Variants in PDCD7 observed in about 807,000 individuals in gnomAD.
The protein encoded by PDCD7 is programmed cell death protein 7.
A neutral mutation model predicts 42.1 loss-of-function variants in PDCD7; 40 were observed. The observed-to-expected ratio is 0.95, with a 90% CI of 0.74 to 1.24. The LOEUF (loss-of-function observed/expected upper bound fraction) is 1.24, where lower values mean the gene tolerates loss of function less well. Ranked by LOEUF, PDCD7 falls within the 50% of genes most tolerant of loss-of-function variation. PDCD7 has a pLI of 0.00. For synonymous variants in PDCD7, 299 were observed against 303.3 expected, an observed-to-expected ratio of 0.99 and a Z score of 0.15; for missense variants, 644 against 662.8, an observed-to-expected ratio of 0.97 and a Z score of 0.31.
Position 65,118,859 on chromosome 15 carries a change from GAAC to G in PDCD7, c.1335-22_1335-20del. 6.6e-7 allele frequency: 1 copy of G among 1,525,180 alleles called. No individual in the cohort carries two copies. Among genetic ancestry groups the G allele is most frequent in the East Asian group, 2.4e-5 (1 of 41,260 alleles). 94.5% of individuals were successfully genotyped at this position (1,525,180 alleles called of 1,614,324 possible). A position where few individuals can be genotyped will look rare whatever the true frequency, so the allele number is the denominator to read the frequency against. On this transcript the variant is annotated intron_variant, in intron 4 of 4. Coordinates refer to ENST00000204549, the MANE Select transcript of PDCD7 (RefSeq NM_005707.2). ...ATCATGCCTTAATAAGAACATTATA[GAAC>G]AACTATTTATTTCTGTTTTATTCCA...
intron 2 of PDCD7, among the ~76,000 whole-genome samples, chr15:65,123,229 C>G (rs753763017): frequency 6.6e-6 from 1 of 152,196 alleles, no homozygotes; most frequent in Non-Finnish European, 1.5e-5. Context: ...CGCTCTGTCA[C>G]CAGGCTGGAG....
chr15:65,132,121 T>C (rs1263404777), intron 1 of PDCD7, among the ~76,000 whole-genome samples: 1 of 53,880 alleles, frequency 1.9e-5, no homozygotes, highest in East Asian at 1.2e-3. Flanking sequence ...TATGTATGTA[T>C]GTGTATATAT....
In PDCD7 at chr15:65,133,805, A is replaced by G; in HGVS notation, c.-24T>C. 7.3e-7 allele frequency: 1 copy of G among 1,362,268 alleles called. No homozygotes were observed. Among genetic ancestry groups the G allele is most frequent in the South Asian group, 2.0e-5 (1 of 51,100 alleles). 84.4% of individuals were successfully genotyped at this position (1,362,268 alleles called of 1,614,324 possible). A position where few individuals can be genotyped will look rare whatever the true frequency, so the allele number is the denominator to read the frequency against. On this transcript the variant is annotated 5_prime_UTR_variant, in exon 1 of 5. Coordinates refer to ENST00000204549, the MANE Select transcript of PDCD7 (RefSeq NM_005707.2). The stretch of plus-strand genomic sequence containing the variant: ...ATGTTCACGACGGAGATGCTTTGAG[A>G]AGTGACAGGAATCTGAGTGGCTCCT...
intron 1 of PDCD7, among the ~76,000 whole-genome samples, 196 bp from the exon 2 acceptor site, chr15:65,129,366 C>A (rs1375728272): frequency 6.6e-6 from 1 of 152,214 alleles, no homozygotes; most frequent in South Asian, 2.1e-4. Context: ...ACTGATGGTA[C>A]AACCTTCATC....
rs112824835 is a variant in PDCD7 at position 65,130,218 on chromosome 15, C to T, written c.871-1048G>A. Among the ~76,000 whole-genome samples, 306 of 132,974 alleles carry T rather than the reference C, an allele frequency of 2.3e-3. 1 individual carries two copies. Among genetic ancestry groups the T allele is most frequent in the African/African-American group, 7.9e-3 (272 of 34,460 alleles). 87.2% of individuals were successfully genotyped at this position (132,974 alleles called of 152,430 possible). A position where few individuals can be genotyped will look rare whatever the true frequency, so the allele number is the denominator to read the frequency against. On this transcript the variant is annotated intron_variant, in intron 1 of 4. Coordinates refer to ENST00000204549, the MANE Select transcript of PDCD7 (RefSeq NM_005707.2). ...TGTTGTCCAGGCTGGAGGGCAATGG[C>T]GCGATCTCGGCTTACTGCAACCTCC...
intron 1 of PDCD7, among the ~76,000 whole-genome samples, chr15:65,131,048 C>T (rs767049183): frequency 5.3e-5 from 8 of 152,114 alleles, no homozygotes; most frequent in Non-Finnish European, 1.0e-4. Context: ...CAGTCCATGG[C>T]CTGTTAGGAA....
At chr15:65,119,243 C>A in intron 4 of PDCD7, 133 bp downstream of exon 4, 1 of 601,854 alleles carries the variant, frequency 1.7e-6, no homozygotes. Flanking sequence ...CATTATAAAC[C>A]CATAGTTTTT....
At chr15:65,129,313 G>A (rs1281465915) in intron 1 of PDCD7, 143 bp from the exon 2 acceptor site, 9 of 911,758 alleles carry the variant, frequency 9.9e-6, no homozygotes, top group African/African-American at 1.7e-5. Context: ...CAATTTCTTA[G>A]GCCTTGCACA....
At chr15:65,122,989 T>C (rs867003398) in intron 2 of PDCD7, among the ~76,000 whole-genome samples, 7 of 147,480 alleles carry the variant, frequency 4.7e-5, no homozygotes, top group South Asian at 4.3e-4. Context: ...GCAACAAGAG[T>C]GAAACTCTGT....
chr15:65,127,647 T>C (rs2087507765), intron 2 of PDCD7, among the ~76,000 whole-genome samples: 1 of 152,216 alleles, frequency 6.6e-6, no homozygotes, highest in Non-Finnish European at 1.5e-5. Context: ...ATTTTAAATA[T>C]GCATGCAACC....
At chr15:65,121,205 G>T (rs971696893) in intron 2 of PDCD7, among the ~76,000 whole-genome samples, 4 of 151,872 alleles carry the variant, frequency 2.6e-5, no homozygotes, top group African/African-American at 9.7e-5. Context: ...TTACAGGCAT[G>T]CACCAACACA....
Position 65,117,837 on chromosome 15 carries a change from A to G in PDCD7, c.*880T>C, listed in dbSNP as rs886707767. 3.9e-5 allele frequency: 6 copies of G among 152,118 alleles called. No homozygotes were observed. The highest frequency in any genetic ancestry group is 1.2e-4 in the African/African-American group (5 of 41,414). The allele number at this position is 152,118 out of a possible 1,614,324, so 9.4% of individuals were successfully genotyped here. On this transcript the variant is annotated 3_prime_UTR_variant, in exon 5 of 5. Transcript: ENST00000204549. The stretch of plus-strand genomic sequence containing the variant: ...GGCGTGAGCCACTGTGCCCGGCCAA[A>G]TTTTACTATTTTTATTTGCTTTTTC...
At position 65,133,287 on chromosome 15, in the gene PDCD7, C is replaced by G. The variant is rs564400796; in HGVS notation, c.495G>C (p.Thr165=). Residue 165 remains threonine (T), a synonymous_variant, in exon 1 of 5, where the codon ACG becomes ACC. Coordinates refer to ENST00000204549, the MANE Select transcript of PDCD7 (RefSeq NM_005707.2). ...CTTCGCCAAGGCTGGGCCCGGCATG[C>G]GTGCGCTGGGGCACCGGACAGCCTG... ...RRAGCPVPQR[T]HAGPSLGEVR... is the part of the protein sequence containing the mutation. The G allele has an allele frequency of 1.2e-4, 154 of 1,320,128 alleles. 1 individual carries two copies. The highest frequency in any genetic ancestry group is 2.7e-4 in the Middle Eastern group (1 of 3,658). The allele number at this position is 1,320,128 out of a possible 1,614,324, so 81.8% of individuals were successfully genotyped here.
chr15:65,122,193 G>A (rs1317377911), intron 2 of PDCD7, among the ~76,000 whole-genome samples: 2 of 152,052 alleles, frequency 1.3e-5, no homozygotes, highest in South Asian at 2.1e-4. Flanking sequence ...AAAATTAGCC[G>A]AGCATGGTGG....
rs909571941 is a variant in PDCD7 at position 65,133,108 on chromosome 15, G to C, written c.674C>G (p.Pro225Arg). The change falls in exon 1 of 5, where the codon CCG becomes CGG. Residue 225 changes from proline (P) to arginine (R), a missense_variant. By Grantham distance (103) the Pro-to-Arg change is moderately radical. Transcript: ENST00000204549. ...GCCCACATAGGCAGCCTGGGTCAAC[G>C]GCTGTAGCCGCTCGGCCAGTTCCGC... ...LRAELAERLQ[P>R]LTQAAYVGEA... The C allele has an allele frequency of 3.2e-6, 5 of 1,551,538 alleles. No homozygotes were observed. Among genetic ancestry groups the C allele is most frequent in the Admixed American group, 1.9e-5 (1 of 53,092 alleles).
intron 2 of PDCD7, among the ~76,000 whole-genome samples, chr15:65,123,527 T>C (rs969752086): frequency 2.0e-5 from 3 of 152,218 alleles, no homozygotes; most frequent in East Asian, 1.9e-4. Flanking sequence ...ACTTGTGTTA[T>C]ACAATAGTGC....
At chr15:65,121,487 T>G (rs2087454623) in intron 2 of PDCD7, among the ~76,000 whole-genome samples, 1 of 152,236 alleles carries the variant, frequency 6.6e-6, no homozygotes, top group African/African-American at 2.4e-5. Flanking sequence ...AATAAACAAT[T>G]CTTCCTCTGA....
chr15:65,118,658 T>C lies in PDCD7; in HGVS notation c.*59A>G. The stretch of plus-strand genomic sequence containing the variant: ...TAGTCTACAGCAAAAGATGGCACCA[T>C]CGCTAATATTTACAGCTGGAAAGAG... On this transcript the variant is annotated 3_prime_UTR_variant, in exon 5 of 5. Transcript: ENST00000204549. 6.7e-7 allele frequency: 1 copy of C among 1,491,054 alleles called. No homozygotes were observed. The highest frequency in any genetic ancestry group is 9.0e-7 in the Non-Finnish European group (1 of 1,116,992). 92.4% of individuals were successfully genotyped at this position (1,491,054 alleles called of 1,614,324 possible). A position where few individuals can be genotyped will look rare whatever the true frequency, so the allele number is the denominator to read the frequency against.
In PDCD7 at chr15:65,133,635, C is replaced by T; in HGVS notation, c.147G>A (p.Pro49=). The change falls in exon 1 of 5, where the codon CCG becomes CCA. Residue 49 remains proline (P), a synonymous_variant. Transcript: ENST00000204549. ...PPLPQRPGPF[P]GASAPFLQPP... ...GCTGAAGGAAGGGGGCGGAGGCCCC[C>T]GGAAAAGGGCCGGGCCGCTGGGGGA... 2.4e-6 allele frequency: 3 copies of T among 1,252,346 alleles called. No individual in the cohort carries two copies. Among genetic ancestry groups the T allele is most frequent in the Non-Finnish European group, 3.0e-6 (3 of 995,020 alleles). 77.6% of individuals were successfully genotyped at this position (1,252,346 alleles called of 1,614,324 possible). A position where few individuals can be genotyped will look rare whatever the true frequency, so the allele number is the denominator to read the frequency against.
Sources: allele counts gnomAD v4.1 joint callset (sites outside exome capture counted in the v4.1 genomes callset), GRCh38; gene constraint gnomAD v4.1.1; transcripts MANE v1.5; gene names NCBI Gene and HGNC (gene_info 2026-07-23, HGNC 2026-07-21).